The following SRGAP3 variants were observed in gnomAD, a reference collection of about 807,000 sequenced individuals.
The protein encoded by SRGAP3 is SLIT-ROBO Rho GTPase-activating protein 3.
Under a neutral mutation model 121.1 loss-of-function variants are expected in SRGAP3, and 39 were observed. The ratio of observed to expected loss-of-function variants is 0.32; its 90% CI spans 0.25 to 0.42. SRGAP3 has a LOEUF of 0.42. Among genes scored for constraint, SRGAP3 ranks in the 10% least tolerant of loss-of-function variants. SRGAP3 has a pLI of 1.00. For missense variants in SRGAP3, 1,213 were observed against 1,470.6 expected (o/e 0.82, Z 2.86); for synonymous variants, 601 against 570.0 (o/e 1.05, Z -0.77).
intron 18 of SRGAP3, among the ~76,000 whole-genome samples, chr3:9,001,522 C>G (rs1269736217): frequency 6.6e-6 from 1 of 151,798 alleles, no homozygotes; most frequent in Middle Eastern, 3.2e-3. Context: ...AATAGAGGAA[C>G]AAAAAAGATA....
chr3:9,220,582 T>G (rs969924889), intron 1 of SRGAP3, among the ~76,000 whole-genome samples: 4 of 152,242 alleles, frequency 2.6e-5, no homozygotes, highest in African/African-American at 9.6e-5. Context: ...AGCAGGCATC[T>G]TGTTTGATCA....
intron 1 of SRGAP3, among the ~76,000 whole-genome samples, chr3:9,175,870 C>T (rs1159623155): frequency 6.6e-6 from 1 of 152,200 alleles, no homozygotes; most frequent in Admixed American, 6.5e-5. Context: ...AGACACATAT[C>T]AGACTGGCAG....
At chr3:8,999,602 G>C (rs1289472444) in intron 18 of SRGAP3, among the ~76,000 whole-genome samples, 1 of 152,144 alleles carries the variant, frequency 6.6e-6, no homozygotes, top group African/African-American at 2.4e-5. Context: ...CAGTTTACTA[G>C]AGGCCAAGTC....
chr3:9,327,719 T>C (rs1318372048), intron 2 of SRGAP3, among the ~76,000 whole-genome samples: 1 of 152,222 alleles, frequency 6.6e-6, no homozygotes, highest in Admixed American at 6.5e-5. Flanking sequence ...AAAGTCATAG[T>C]AGCATTTTAT....
intron 3 of SRGAP3, among the ~76,000 whole-genome samples, chr3:9,315,033 A>G (rs1955320403): frequency 6.6e-6 from 1 of 152,218 alleles, no homozygotes; most frequent in Non-Finnish European, 1.5e-5. Context: ...AGCACTATGA[A>G]GATTTATTGG....
At chr3:9,224,503 G>C (rs549338372) in intron 1 of SRGAP3, among the ~76,000 whole-genome samples, 11 of 152,234 alleles carry the variant, frequency 7.2e-5, no homozygotes, top group Admixed American at 2.0e-4. Context: ...GAGTAATCGT[G>C]GAGCACCCTG....
At chr3:9,212,207 G>T (rs1952470180) in intron 1 of SRGAP3, among the ~76,000 whole-genome samples, 1 of 152,182 alleles carries the variant, frequency 6.6e-6, no homozygotes, top group African/African-American at 2.4e-5. Context: ...CCCAAGTAGA[G>T]GATGAAGGAG....
intron 4 of SRGAP3, among the ~76,000 whole-genome samples, chr3:9,071,448 T>C (rs888130023): frequency 8.5e-5 from 13 of 152,156 alleles, no homozygotes; most frequent in Admixed American, 2.6e-4. Flanking sequence ...AATTAGATGC[T>C]ACCCTAGGGC....
chr3:9,274,692 G>A lies in SRGAP3; in HGVS notation n.442+51318C>T, dbSNP rs1954538193. ...CACAAACAAATTGAAGGTAGTAAAT[G>A]AGGGGGATTTTATTGCTGATGAAAG... is the stretch of plus-strand genomic sequence containing the variant. On this transcript the variant is annotated intron_variant and non_coding_transcript_variant, in intron 3 of 3. Transcript: ENST00000490889. Among the ~76,000 whole-genome samples, 4 of 152,348 alleles carry A rather than the reference G, an allele frequency of 2.6e-5. No homozygotes were observed. In the East Asian group the frequency reaches 7.7e-4, roughly 29 times the overall value.
At chr3:9,297,810 C>A (rs951094398) in intron 3 of SRGAP3, among the ~76,000 whole-genome samples, 1 of 151,700 alleles carries the variant, frequency 6.6e-6, no homozygotes, top group Admixed American at 6.6e-5. Context: ...GCACGAGAAT[C>A]GCTAGAACCC....
At chr3:9,225,280 C>T (rs910235774) in intron 1 of SRGAP3, among the ~76,000 whole-genome samples, 1 of 152,146 alleles carries the variant, frequency 6.6e-6, no homozygotes, top group Admixed American at 6.5e-5. Context: ...TCTGGTCTCT[C>T]TGCACCCAAC....
intron 3 of SRGAP3, chr3:9,256,783 G>C: frequency 5.0e-6 from 2 of 398,554 alleles, no homozygotes; most frequent in Non-Finnish European, 8.8e-6. Context: ...TGCCCCTGTG[G>C]AGGAGACCTC....
rs139373478 is a variant in SRGAP3, at chr3:9,143,539, A to T, written c.68-18622T>A. 8.0e-4 allele frequency among the ~76,000 whole-genome samples: 122 copies of T among 152,320 alleles called. 1 individual carries two copies. The highest frequency in any genetic ancestry group is 2.9e-3 in the African/African-American group (120 of 41,560). Reference sequence around the variant, plus strand: ...CAGTTTCCAGGACCAAGCCTTTTGGATCCTGAAAGTACTCCATAATAGAAT... The same window carrying T: ...CAGTTTCCAGGACCAAGCCTTTTGGTTCCTGAAAGTACTCCATAATAGAAT... On this transcript the variant is annotated intron_variant, in intron 1 of 21. Coordinates refer to ENST00000383836, the MANE Select transcript of SRGAP3 (RefSeq NM_014850.4).
intron 10 of SRGAP3, among the ~76,000 whole-genome samples, chr3:9,045,542 T>C (rs1945225353): frequency 6.6e-6 from 1 of 151,930 alleles, no homozygotes; most frequent in African/African-American, 2.4e-5. Flanking sequence ...TGATGATTGA[T>C]GATGACCGTC....
At chr3:9,007,437 T>C (rs1943136922) in intron 18 of SRGAP3, 1 of 152,150 alleles carries the variant, frequency 6.6e-6, no homozygotes, top group African/African-American at 2.4e-5. Flanking sequence ...CCGGGTGCTG[T>C]CAAGAGCAAA....
At chr3:9,089,480 G>A (rs1341309926) in intron 3 of SRGAP3, among the ~76,000 whole-genome samples, 2 of 152,148 alleles carry the variant, frequency 1.3e-5, no homozygotes, top group South Asian at 2.1e-4. Context: ...GTGAAAAAAA[G>A]TCATCACAAT....
intron 14 of SRGAP3, among the ~76,000 whole-genome samples, chr3:9,024,321 T>A (rs1944078258): frequency 6.6e-6 from 1 of 152,194 alleles, no homozygotes; most frequent in South Asian, 2.1e-4. Flanking sequence ...ATATTCCAAC[T>A]CTTCTTTCCT....
chr3:9,163,241 C>A (rs1158150750), intron 1 of SRGAP3, among the ~76,000 whole-genome samples: 2 of 152,242 alleles, frequency 1.3e-5, no homozygotes, highest in Non-Finnish European at 2.9e-5. Context: ...AAACCCAACA[C>A]AGGCATCAGC....
At chr3:9,359,987 T>C (rs758444720) in intron 1 of SRGAP3, among the ~76,000 whole-genome samples, 6 of 152,192 alleles carry the variant, frequency 3.9e-5, no homozygotes, top group Admixed American at 6.5e-5. Flanking sequence ...TGGAGTACAG[T>C]GGTGCAATCA....
Sources: allele counts gnomAD v4.1 joint callset (sites outside exome capture counted in the v4.1 genomes callset), GRCh38; gene constraint gnomAD v4.1.1; transcripts MANE v1.5; gene names NCBI Gene and HGNC (gene_info 2026-07-23, HGNC 2026-07-21).